ARFGEF2: variants seen among roughly 807,000 people sequenced by gnomAD.
ARFGEF2 encodes the protein ARF guanine nucleotide exchange factor 2, also known as brefeldin A-inhibited guanine nucleotide-exchange protein 2.
In ARFGEF2, 74 loss-of-function variants were observed where a neutral mutation model predicts 219.9. The observed-to-expected ratio is 0.34, with a 90% CI of 0.28 to 0.41. The LOEUF is 0.41. Ranked by LOEUF, ARFGEF2 falls within the 10% of genes least tolerant of loss-of-function variation. The pLI is 1.00. For missense variants in ARFGEF2, 1,743 were observed against 2,218.3 expected, an observed-to-expected ratio of 0.79 and a Z score of 4.30; for synonymous variants, 733 against 799.2, an observed-to-expected ratio of 0.92 and a Z score of 1.40.
intron 25 of ARFGEF2, 62 bp from the exon 26 acceptor site, chr20:49,005,008 G>C: frequency 1.6e-5 from 26 of 1,595,734 alleles, no homozygotes; most frequent in Non-Finnish European, 2.2e-5. Flanking sequence ...TTGCTGTTGA[G>C]AGACCCACGT....
At chr20:48,986,335 A>C (rs2091326206) in intron 16 of ARFGEF2, among the ~76,000 whole-genome samples, 1 of 152,146 alleles carries the variant, frequency 6.6e-6, no homozygotes, top group African/African-American at 2.4e-5. Context: ...CTAACTCAGA[A>C]GCTCATGTTC....
At position 49,033,234 on chromosome 20, in the gene ARFGEF2, G is replaced by A. The variant is rs748927505; in HGVS notation, c.*35G>A. On this transcript the variant is annotated 3_prime_UTR_variant, in exon 39 of 39. Coordinates refer to ENST00000371917, the MANE Select transcript of ARFGEF2 (RefSeq NM_006420.3). ...CCCAGGCCAGTGCTGCAGCTCTGCA[G>A]AATGTTCAGCATGCCATTTCTGACT... is the stretch of plus-strand genomic sequence containing the variant. 5 of 1,612,260 alleles carry A rather than the reference G, an allele frequency of 3.1e-6. No individual in the cohort carries two copies. The highest frequency in any genetic ancestry group is 2.5e-6 in the Non-Finnish European group (3 of 1,178,662).
intron 1 of ARFGEF2, among the ~76,000 whole-genome samples, chr20:48,925,835 A>G (rs2090873496): frequency 6.6e-6 from 1 of 152,208 alleles, no homozygotes; most frequent in African/African-American, 2.4e-5. Flanking sequence ...AGACCCTCAC[A>G]CAAAAGTGCT....
chr20:48,946,414 G>GT (rs2091027225), intron 3 of ARFGEF2, among the ~76,000 whole-genome samples: 1 of 151,918 alleles, frequency 6.6e-6, no homozygotes, highest in South Asian at 2.1e-4. Context: ...TGTAAGGGGG[G>GT]TTAAGGTCAG....
rs577660620 is a variant in ARFGEF2 at position 48,982,998 on chromosome 20, T to G, written c.1959-1731T>G. Among the ~76,000 whole-genome samples, 60 of 152,304 alleles carry G rather than the reference T, an allele frequency of 3.9e-4. No individual in the cohort carries two copies. In the South Asian group the frequency reaches 6.4e-3, roughly 16 times the overall value. On this transcript the variant is annotated intron_variant, in intron 14 of 38. Transcript: ENST00000371917. ...CTGCTTCAGCTCACCCTACGTGGGCTGCACCCACTGTCCAACCAGTCCCAG... is the reference window on the plus strand; with the variant it reads ...CTGCTTCAGCTCACCCTACGTGGGCGGCACCCACTGTCCAACCAGTCCCAG...
In ARFGEF2 at chr20:49,017,277, A is replaced by G; in HGVS notation, c.4344A>G (p.Thr1448=). The change falls in exon 32 of 39, where the codon ACA becomes ACG. Residue 1448 remains threonine, a synonymous_variant. Coordinates refer to ENST00000371917, the MANE Select transcript of ARFGEF2 (RefSeq NM_006420.3). ...ATGAACAGTTGGCGCGATCAGGTAC[A>G]AATTGCTTAGAAAACTTAGTAATAT... is the stretch of plus-strand genomic sequence containing the variant. ...QDNEQLARSG[T]NCLENLVISN... 6.2e-7 allele frequency: 1 copy of G among 1,614,050 alleles called. No homozygotes were observed. Among genetic ancestry groups the G allele is most frequent in the Non-Finnish European group, 8.5e-7 (1 of 1,179,982 alleles).
intron 30 of ARFGEF2, among the ~76,000 whole-genome samples, chr20:49,015,125 G>C (rs185780665): frequency 4.6e-5 from 7 of 151,952 alleles, no homozygotes; most frequent in African/African-American, 1.4e-4. Flanking sequence ...GCTTTGTTTC[G>C]TTTTTTTGAG....
intron 3 of ARFGEF2, among the ~76,000 whole-genome samples, chr20:48,947,714 G>C (rs2091037163): frequency 1.3e-5 from 2 of 152,124 alleles, no homozygotes; most frequent in South Asian, 4.1e-4. Flanking sequence ...AAATTAGCCA[G>C]GCATAGTGGC....
At chr20:49,008,822 C>G (rs1021278921) in intron 26 of ARFGEF2, among the ~76,000 whole-genome samples, 1 of 151,558 alleles carries the variant, frequency 6.6e-6, no homozygotes, top group Non-Finnish European at 1.5e-5. Flanking sequence ...ATTTTCCTCC[C>G]TCAGCCTCCC....
chr20:48,962,036 TG>T (rs1303616313), intron 6 of ARFGEF2, among the ~76,000 whole-genome samples: 9 of 151,106 alleles, frequency 6.0e-5, no homozygotes, highest in African/African-American at 2.2e-4. Context: ...AAAAATTAGC[TG>T]GGCGTGGTGG....
At chr20:49,015,403 A>G (rs1178294190) in intron 30 of ARFGEF2, among the ~76,000 whole-genome samples, 1 of 152,194 alleles carries the variant, frequency 6.6e-6, no homozygotes, top group South Asian at 2.1e-4. Flanking sequence ...GTGAGCCACC[A>G]CACCCAGCCT....
At chr20:48,962,350 CATA>C (rs1428261264) in intron 6 of ARFGEF2, among the ~76,000 whole-genome samples, 4 of 152,190 alleles carry the variant, frequency 2.6e-5, no homozygotes, top group Non-Finnish European at 5.9e-5. Flanking sequence ...TGTGCTGTGA[CATA>C]ATGACGGCTA....
chr20:49,006,339 A>G (rs1486801942), intron 26 of ARFGEF2, among the ~76,000 whole-genome samples: 1 of 152,086 alleles, frequency 6.6e-6, no homozygotes, highest in African/African-American at 2.4e-5. Flanking sequence ...CCCTGTTTTC[A>G]TTCAGCCTTA....
At chr20:48,995,692 C>G (rs935593593) in intron 22 of ARFGEF2, 91 bp from the exon 23 acceptor site, 88 of 1,069,304 alleles carry the variant, frequency 8.2e-5, no homozygotes, top group Non-Finnish European at 1.2e-4. Flanking sequence ...CATTTATGTC[C>G]CCTGTCCCTG....
At chr20:49,032,973 C>CAA (rs200019014) in intron 38 of ARFGEF2, 50 bp from the exon 39 acceptor site, 2,554 of 1,276,052 alleles carry the variant, frequency 2.0e-3, no homozygotes, top group Non-Finnish European at 2.3e-3. Context: ...AACTGGTGCC[C>CAA]AAAAAAAAAA....
intron 37 of ARFGEF2, among the ~76,000 whole-genome samples, chr20:49,030,293 G>A (rs1432282944): frequency 6.6e-6 from 1 of 151,998 alleles, no homozygotes; most frequent in Non-Finnish European, 1.5e-5. Context: ...AGCTGCAAAA[G>A]TGTTTTTACT....
chr20:49,002,521 C>T (rs994571464), intron 25 of ARFGEF2, among the ~76,000 whole-genome samples: 1 of 152,196 alleles, frequency 6.6e-6, no homozygotes, highest in Non-Finnish European at 1.5e-5. Flanking sequence ...TTGTGACTGC[C>T]TTATTTCATT....
chr20:49,010,912 C>T (rs541390415), intron 27 of ARFGEF2, among the ~76,000 whole-genome samples: 62 of 152,322 alleles, frequency 4.1e-4, no homozygotes, highest in African/African-American at 1.5e-3. Flanking sequence ...GAAGGTGGCA[C>T]CCTGCCTTCT....
intron 1 of ARFGEF2, among the ~76,000 whole-genome samples, chr20:48,923,929 TCA>T (rs1329583727): frequency 6.6e-6 from 1 of 152,236 alleles, no homozygotes; most frequent in Non-Finnish European, 1.5e-5. Flanking sequence ...ATGCATGTTT[TCA>T]GTTTTTAGTA....
Sources: gnomAD v4.1 joint callset for allele counts (sites outside exome capture counted in the v4.1 genomes callset) on GRCh38, gnomAD v4.1.1 for gene constraint, MANE v1.5 for transcripts, NCBI Gene and HGNC (gene_info 2026-07-23, HGNC 2026-07-21) for gene names.